STON2: variants seen among roughly 807,000 people sequenced by gnomAD.
The protein encoded by STON2 is stonin-2.
In STON2, 29 loss-of-function variants were observed where a neutral mutation model predicts 65.7. The observed-to-expected ratio is 0.44, with a 90% CI of 0.33 to 0.60. The LOEUF is 0.60. STON2 is among the 20% of genes least tolerant of loss of function. The probability of loss-of-function intolerance (pLI) is 0.03; values close to 1 mark genes in which losing one functional copy is unlikely to be tolerated. For synonymous variants in STON2, 404 were observed against 414.2 expected (o/e 0.98, Z 0.30); for missense variants, 1,054 against 1,118.1 (o/e 0.94, Z 0.82).
intron 4 of STON2, among the ~76,000 whole-genome samples, chr14:81,350,280 A>G (rs1266168890): frequency 1.3e-5 from 2 of 152,178 alleles, no homozygotes; most frequent in East Asian, 3.8e-4. Flanking sequence ...TGATTATTAT[A>G]CACTGTATGC....
chr14:81,389,370 C>A (rs115228554), intron 3 of STON2, among the ~76,000 whole-genome samples: 2,923 of 152,260 alleles, frequency 0.019, 113 homozygotes, highest in African/African-American at 0.068. Flanking sequence ...ACACCAAACA[C>A]CTCTCTTGCC....
At position 81,395,902 on chromosome 14, in the gene STON2, G is replaced by A; in HGVS notation, c.365C>T (p.Ala122Val). ...CCTTCCTACCTCCTCACCTGTCTCA[G>A]CTGTTTCCTGATGAGGTGGAGATGT... ...ASTSPPHQETAETALPLTMPC... is the reference protein window; with the variant it reads ...ASTSPPHQETVETALPLTMPC... The change falls in exon 3 of 8, where the codon GCT (alanine) becomes GTT (valine). Residue 122 changes from alanine (A) to valine (V), a missense_variant. By Grantham distance (64) the Ala-to-Val change is moderately conservative. Coordinates refer to ENST00000614646, the MANE Select transcript of STON2 (RefSeq NM_001394390.1). The A allele has an allele frequency of 6.2e-7, 1 of 1,614,080 alleles. No individual in the cohort carries two copies. Among genetic ancestry groups the A allele is most frequent in the African/African-American group, 1.3e-5 (1 of 75,032 alleles).
chr14:81,428,812 T>C (rs1902105528), intron 1 of STON2, among the ~76,000 whole-genome samples: 1 of 152,210 alleles, frequency 6.6e-6, no homozygotes, highest in South Asian at 2.1e-4. Context: ...TCATTTAAAG[T>C]ATCCCATTTG....
chr14:81,359,110 A>T (rs1184998200), intron 4 of STON2, among the ~76,000 whole-genome samples: 1 of 152,198 alleles, frequency 6.6e-6, no homozygotes. Context: ...TGCATCCAGA[A>T]CATTATCCAG....
upstream of STON2, among the ~76,000 whole-genome samples, chr14:81,404,220 T>C (rs1219261343): frequency 6.6e-6 from 1 of 152,214 alleles, no homozygotes; most frequent in African/African-American, 2.4e-5. Flanking sequence ...GATCTAAAAT[T>C]ATATCATCCA....
chr14:81,360,812 T>C (rs544095569), intron 4 of STON2, among the ~76,000 whole-genome samples: 1 of 152,222 alleles, frequency 6.6e-6, no homozygotes, highest in Admixed American at 6.5e-5. Flanking sequence ...CTAATAAACA[T>C]ACACAGTAAA....
intron 4 of STON2, among the ~76,000 whole-genome samples, chr14:81,360,047 T>C (rs905384701): frequency 1.3e-5 from 2 of 152,186 alleles, no homozygotes; most frequent in African/African-American, 4.8e-5. Context: ...GCTGTCTTCA[T>C]GCCACTATAC....
chr14:81,392,684 A>T (rs912207954), intron 3 of STON2, among the ~76,000 whole-genome samples: 1 of 152,212 alleles, frequency 6.6e-6, no homozygotes, highest in Non-Finnish European at 1.5e-5. Context: ...ATTCTTAAAT[A>T]TTTTTTTAAA....
intron 5 of STON2, among the ~76,000 whole-genome samples, chr14:81,284,243 G>C (rs182399988): frequency 1.3e-5 from 2 of 152,320 alleles, no homozygotes; most frequent in East Asian, 1.9e-4. Context: ...TTTCAATCAA[G>C]AGTGAGAGAT....
upstream of STON2, among the ~76,000 whole-genome samples, chr14:81,403,022 G>T (rs1012000409): frequency 8.5e-5 from 13 of 152,268 alleles, no homozygotes; most frequent in African/African-American, 3.1e-4. Context: ...AATAAAAATT[G>T]TCGTATAAAT....
rs1162905535 is a variant in STON2 at position 81,270,744 on chromosome 14, C to G, written c.2710G>C (p.Val904Leu). Residue 904 changes from valine to leucine, a missense_variant, in exon 7 of 8, where the codon GTG (valine) becomes CTG (leucine). Coordinates refer to ENST00000614646, the MANE Select transcript of STON2 (RefSeq NM_001394390.1). ...TTGTCTTCTACAGAGATAGATCTCACGCTGGCTTTGGAGGCAGAAGTTGTG... is the reference window on the plus strand; with the variant it reads ...TTGTCTTCTACAGAGATAGATCTCAGGCTGGCTTTGGAGGCAGAAGTTGTG... ...MPTTSASKAS[V>L]RSISVEDKTD... The G allele has an allele frequency of 6.2e-7, 1 of 1,614,146 alleles. No homozygotes were observed. The highest frequency in any genetic ancestry group is 1.7e-5 in the Admixed American group (1 of 60,008).
At chr14:81,351,661 G>C (rs926915322) in intron 4 of STON2, among the ~76,000 whole-genome samples, 1 of 152,232 alleles carries the variant, frequency 6.6e-6, no homozygotes, top group Non-Finnish European at 1.5e-5. Context: ...GAGTTTGATA[G>C]AGATTCTGTC....
chr14:81,364,747 A>T (rs1898644389), intron 4 of STON2, among the ~76,000 whole-genome samples: 1 of 152,138 alleles, frequency 6.6e-6, no homozygotes, highest in Non-Finnish European at 1.5e-5. Flanking sequence ...GACCTAATAC[A>T]CTGGCCCCAG....
rs778556586 is a variant in STON2 at position 81,278,562 on chromosome 14, G to A, written c.920C>T (p.Pro307Leu). 1 of 1,610,754 alleles carries A rather than the reference G, an allele frequency of 6.2e-7. No individual in the cohort carries two copies. The highest frequency in any genetic ancestry group is 1.1e-5 in the South Asian group (1 of 90,460). The change falls in exon 6 of 8, where the codon CCT (proline) becomes CTT (leucine). Residue 307 changes from proline (P) to leucine (L), a missense_variant. By Grantham distance (98) the Pro-to-Leu change is moderately conservative. Coordinates refer to ENST00000614646, the MANE Select transcript of STON2 (RefSeq NM_001394390.1). ...VSCPLPPVTS[P>L]LKPNTPPSAS... Reference sequence around the variant, plus strand: ...ACTTGGTGGTGTATTTGGCTTCAGAGGAGAGGTGACTGGTGGTAAAGGGCA... The same window carrying A: ...ACTTGGTGGTGTATTTGGCTTCAGAAGAGAGGTGACTGGTGGTAAAGGGCA...
chr14:81,400,042 G>C (rs1040795927), intron 1 of STON2, among the ~76,000 whole-genome samples: 8 of 152,106 alleles, frequency 5.3e-5, no homozygotes, highest in Admixed American at 3.9e-4. Flanking sequence ...ACAGAATACA[G>C]TACATATAGA....
At chr14:81,307,217 G>A (rs1052215117) in intron 5 of STON2, among the ~76,000 whole-genome samples, 6 of 152,216 alleles carry the variant, frequency 3.9e-5, no homozygotes, top group Non-Finnish European at 5.9e-5. Context: ...CTGGTGAGCC[G>A]TGCACAGATT....
intron 2 of STON2, among the ~76,000 whole-genome samples, chr14:81,396,442 G>C (rs1900326695): frequency 6.6e-6 from 1 of 152,192 alleles, no homozygotes; most frequent in Admixed American, 6.5e-5. Context: ...TCTTATGCCA[G>C]CATCTACTCC....
At position 81,266,326 on chromosome 14, in the gene STON2, G is replaced by C. The variant is rs1378578628; in HGVS notation, c.*2088C>G. Among the ~76,000 whole-genome samples the C allele has an allele frequency of 6.6e-6, 1 of 152,140 alleles. No individual in the cohort carries two copies. Among genetic ancestry groups the C allele is most frequent in the Non-Finnish European group, 1.5e-5 (1 of 68,022 alleles). ...CTTCCTTATATTGAAGCAAACATTT[G>C]TCACCTGTAAAGTTCCTCTTTGTTC... On this transcript the variant is annotated 3_prime_UTR_variant, in exon 8 of 8. Transcript: ENST00000614646.
chr14:81,368,250 T>C (rs1898827698), intron 4 of STON2, among the ~76,000 whole-genome samples: 1 of 152,210 alleles, frequency 6.6e-6, no homozygotes. Flanking sequence ...CATTTCTCAG[T>C]GGTGTTCTCT....
Sources: allele counts gnomAD v4.1 joint callset (sites outside exome capture counted in the v4.1 genomes callset), GRCh38; gene constraint gnomAD v4.1.1; transcripts MANE v1.5; gene names NCBI Gene and HGNC (gene_info 2026-07-23, HGNC 2026-07-21).